Variants in DYNC1H1 observed in about 807,000 individuals in gnomAD.
DYNC1H1 encodes dynein cytoplasmic 1 heavy chain 1.
A neutral mutation model predicts 527.1 loss-of-function variants in DYNC1H1; 51 were observed. The observed-to-expected ratio is 0.10, with a 90% CI of 0.08 to 0.12. DYNC1H1 has a LOEUF of 0.12. DYNC1H1 is among the 10% of genes least tolerant of loss of function. The probability of loss-of-function intolerance (pLI) is 1.00; values close to 1 mark genes in which losing one functional copy is unlikely to be tolerated. For missense variants in DYNC1H1, 2,771 were observed against 5,971.8 expected (o/e 0.46, Z 17.66); for synonymous variants, 2,189 against 2,278.8 (o/e 0.96, Z 1.12).
intron 76 of DYNC1H1, 37 bp from the exon 77 acceptor site, chr14:102,050,034 G>T (rs1567026344): frequency 1.2e-6 from 2 of 1,614,184 alleles, no homozygotes; most frequent in South Asian, 1.1e-5. Flanking sequence ...TAGCTGTTGT[G>T]TTCACCTCAG....
rs571118735 is a variant in DYNC1H1, at chr14:102,051,559, A to C, written c.*996A>C. On this transcript the variant is annotated 3_prime_UTR_variant, in exon 78 of 78. Transcript: ENST00000360184. ...TGCCCATCGCCGCCCTAGCAAGTCC[A>C]TTCCCACACGACCTTTCCAGTGGTG... The C allele has an allele frequency of 6.6e-6, 1 of 152,274 alleles. No individual in the cohort carries two copies. Among genetic ancestry groups the C allele is most frequent in the Non-Finnish European group, 1.5e-5 (1 of 68,170 alleles). 9.4% of individuals were successfully genotyped at this position (152,274 alleles called of 1,614,324 possible).
Position 102,047,620 on chromosome 14 carries a change from C to CGTATGT in DYNC1H1, c.13007-195_13007-194insATGTGT, listed in dbSNP as rs1555412486. ...ATATACACATATATGTATATATACA[C>CGTATGT]GTGTGTGTGTGTGTGTGTGTGTATA... On this transcript the variant is annotated intron_variant, in intron 72 of 77. Transcript: ENST00000360184. 300 of 324,132 alleles carry CGTATGT rather than the reference C, an allele frequency of 9.3e-4. 5 individuals carry two copies. The highest frequency in any genetic ancestry group is 2.8e-3 in the African/African-American group (71 of 25,800). The allele number at this position is 324,132 out of a possible 1,614,324, so 20.1% of individuals were successfully genotyped here.
At chr14:101,992,903 A>G (rs2048014444) in intron 11 of DYNC1H1, among the ~76,000 whole-genome samples, 1 of 151,330 alleles carries the variant, frequency 6.6e-6, no homozygotes. Context: ...CTCCCTCTAA[A>G]TGTTCTGTTC....
At position 101,995,308 on chromosome 14, in the gene DYNC1H1, CTG is replaced by C; in HGVS notation, c.3564+11_3564+12del. On this transcript the variant is annotated intron_variant, in intron 15 of 77. Coordinates refer to ENST00000360184, the MANE Select transcript of DYNC1H1 (RefSeq NM_001376.5). ...TTTGAGAAGCAAGTTGAGGTGAGCT[CTG>C]TGCATATTTAAAAATTTTTGGCTGG... 6.2e-7 allele frequency: 1 copy of C among 1,614,078 alleles called. No homozygotes were observed. The highest frequency in any genetic ancestry group is 8.5e-7 in the Non-Finnish European group (1 of 1,180,020).
chr14:102,049,052 G>A lies in DYNC1H1; in HGVS notation c.13372+383G>A, dbSNP rs2048767673. 2.3e-6 allele frequency: 1 copy of A among 425,836 alleles called. No homozygotes were observed. The allele number at this position is 425,836 out of a possible 1,614,324, so 26.4% of individuals were successfully genotyped here. ...AAAGCAGGGGCAGGCGGGCATGGGG[G>A]GCTCATCCAAAGTTGTGGGGAGCCC... is the stretch of plus-strand genomic sequence containing the variant. On this transcript the variant is annotated intron_variant, in intron 74 of 77. Coordinates refer to ENST00000360184, the MANE Select transcript of DYNC1H1 (RefSeq NM_001376.5). The surrounding 1 kb of genome is among the most constrained non-coding windows in gnomAD (Gnocchi z 5.5).
intron 72 of DYNC1H1, among the ~76,000 whole-genome samples, chr14:102,045,812 G>A (rs1000307101): frequency 2.0e-5 from 3 of 151,986 alleles, no homozygotes; most frequent in Non-Finnish European, 4.4e-5. Context: ...CTAAGCCAGT[G>A]GCTCTCATAG....
chr14:101,991,401 G>A, intron 10 of DYNC1H1, 126 bp from the exon 11 acceptor site: 1 of 1,195,168 alleles, frequency 8.4e-7, no homozygotes, highest in Non-Finnish European at 1.2e-6. Context: ...GGAGGCGGAG[G>A]TTACAGTGAG....
chr14:102,044,783 A>C lies in DYNC1H1; in HGVS notation c.13006+85A>C. 6.1e-6 allele frequency: 9 copies of C among 1,487,022 alleles called. No individual in the cohort carries two copies. Among genetic ancestry groups the C allele is most frequent in the Non-Finnish European group, 7.5e-6 (8 of 1,073,694 alleles). 92.1% of individuals were successfully genotyped at this position (1,487,022 alleles called of 1,614,324 possible). On this transcript the variant is annotated intron_variant, in intron 72 of 77. Coordinates refer to ENST00000360184, the MANE Select transcript of DYNC1H1 (RefSeq NM_001376.5). This position sits in a 1 kb window ranked among gnomAD's most constrained non-coding sequence, Gnocchi z 7.1. ...GTGGGTGGCGAGGGTCCCCACACGC[A>C]GGGTGAGTGTGCACTGCTGTCCCAG...
chr14:102,000,646 C>T, intron 18 of DYNC1H1: 1 of 503,388 alleles, frequency 2.0e-6, no homozygotes, highest in Non-Finnish European at 3.5e-6. Flanking sequence ...ATGATCTCGG[C>T]TCACTGCAAC....
chr14:102,049,005 G>T lies in DYNC1H1; in HGVS notation c.13372+336G>T. 1 of 437,206 alleles carries T rather than the reference G, an allele frequency of 2.3e-6. No homozygotes were observed. The allele number at this position is 437,206 out of a possible 1,614,324, so 27.1% of individuals were successfully genotyped here. On this transcript the variant is annotated intron_variant, in intron 74 of 77. Transcript: ENST00000360184. The surrounding 1 kb of genome is among the most constrained non-coding windows in gnomAD (Gnocchi z 5.5). ...TAGTAGGTTACGGCCTGTGAAGAAT[G>T]GGTGTCCCCCAGGACAGTGGAAAAG...
intron 1 of DYNC1H1, among the ~76,000 whole-genome samples, chr14:101,970,759 A>G (rs1442991316): frequency 2.6e-5 from 4 of 152,132 alleles, no homozygotes; most frequent in African/African-American, 2.4e-5. Flanking sequence ...CTGGGACTGC[A>G]GGCGTGAGCC....
In DYNC1H1 at chr14:101,985,022, C is replaced by T. The variant is rs2047918608; in HGVS notation, c.1462-665C>T. ...CTCGAGCTCCTGACCGCAAGTGATC[C>T]ACCCGCCCCGGCCTCCCGAAGTGCT... On this transcript the variant is annotated intron_variant, in intron 7 of 77. Coordinates refer to ENST00000360184, the MANE Select transcript of DYNC1H1 (RefSeq NM_001376.5). The surrounding 1 kb of genome is among the most constrained non-coding windows in gnomAD (Gnocchi z 5.9). 6.6e-6 allele frequency among the ~76,000 whole-genome samples: 1 copy of T among 151,448 alleles called. No individual in the cohort carries two copies. Among genetic ancestry groups the T allele is most frequent in the African/African-American group, 2.4e-5 (1 of 41,228 alleles).
chr14:102,016,444 C>T lies in DYNC1H1; in HGVS notation c.7569C>T (p.Thr2523=), dbSNP rs551938682. ...GTGAATACATCAGAAGAATCACGACCGTGCCTCTGCCCACTGCGCCCAACA... is the reference window on the plus strand; with the variant it reads ...GTGAATACATCAGAAGAATCACGACTGTGCCTCTGCCCACTGCGCCCAACA... ...ELGEYIRRIT[T]VPLPTAPNIP... The change falls in exon 37 of 78, where the codon ACC becomes ACT. Residue 2523 remains threonine (T), a synonymous_variant. Coordinates refer to ENST00000360184, the MANE Select transcript of DYNC1H1 (RefSeq NM_001376.5). The surrounding 1 kb of genome is among the most constrained non-coding windows in gnomAD (Gnocchi z 7.3). 15 of 1,614,128 alleles carry T rather than the reference C, an allele frequency of 9.3e-6. No homozygotes were observed. Among genetic ancestry groups the T allele is most frequent in the South Asian group, 5.5e-5 (5 of 91,078 alleles).
intron 1 of DYNC1H1, among the ~76,000 whole-genome samples, chr14:101,969,104 G>T (rs1018822071): frequency 6.6e-6 from 1 of 151,586 alleles, no homozygotes; most frequent in Non-Finnish European, 1.5e-5. Flanking sequence ...TGAAAGCTCC[G>T]CCTCCCGGGT....
chr14:102,010,925 A>G lies in DYNC1H1; in HGVS notation c.6591A>G (p.Glu2197=). ...QEMYLTYGDG[E]EVGGMWVEKV... ...TGTATTTGACATATGGAGATGGAGA[A>G]GAAGTTGGTGGAATGTGGGTTGAAA... Residue 2197 remains glutamate, a synonymous_variant, in exon 32 of 78, where the codon GAA becomes GAG. Coordinates refer to ENST00000360184, the MANE Select transcript of DYNC1H1 (RefSeq NM_001376.5). This position sits in a 1 kb window ranked among gnomAD's most constrained non-coding sequence, Gnocchi z 6.0. 1.2e-6 allele frequency: 2 copies of G among 1,614,240 alleles called. No individual in the cohort carries two copies. Among genetic ancestry groups the G allele is most frequent in the Non-Finnish European group, 1.7e-6 (2 of 1,180,036 alleles).
At chr14:101,973,789 G>A (rs1221876841) in intron 1 of DYNC1H1, among the ~76,000 whole-genome samples, 4 of 152,140 alleles carry the variant, frequency 2.6e-5, no homozygotes, top group African/African-American at 7.2e-5. Flanking sequence ...GGGCGGCAGA[G>A]CAAGACATTG....
At chr14:102,043,449 T>G in intron 69 of DYNC1H1, 4 of 305,362 alleles carry the variant, frequency 1.3e-5, no homozygotes, top group Non-Finnish European at 2.5e-5. Context: ...GGACTCAGAG[T>G]TGTGTCCCCA....
intron 2 of DYNC1H1, among the ~76,000 whole-genome samples, chr14:101,976,765 A>G (rs1024034064): frequency 1.3e-5 from 2 of 152,214 alleles, no homozygotes; most frequent in Admixed American, 1.3e-4. Flanking sequence ...AGCCCTCGAT[A>G]TCTGTGGTTC....
chr14:102,050,380 T>G, intron 77 of DYNC1H1, 55 bp from the exon 78 acceptor site: 1 of 1,614,124 alleles, frequency 6.2e-7, no homozygotes, highest in South Asian at 1.1e-5. Flanking sequence ...CCGGGCAGTC[T>G]TCCAGTTTTC....
Sources: gnomAD v4.1 joint callset for allele counts (sites outside exome capture counted in the v4.1 genomes callset) on GRCh38, gnomAD v4.1.1 for gene constraint, Gnocchi (gnomAD v3.1) non-coding constraint, MANE v1.5 for transcripts, NCBI Gene and HGNC (gene_info 2026-07-23, HGNC 2026-07-21) for gene names.